The following CDH23 variants were observed in gnomAD, a reference collection of about 807,000 sequenced individuals.
CDH23 encodes cadherin related 23.
Under a neutral mutation model 317.1 loss-of-function variants are expected in CDH23, and 189 were observed. The ratio of observed to expected loss-of-function variants is 0.60; its 90% CI spans 0.53 to 0.67. The LOEUF (loss-of-function observed/expected upper bound fraction) is 0.67, where lower values mean the gene tolerates loss of function less well. Among genes scored for constraint, CDH23 ranks in the 30% least tolerant of loss-of-function variants. CDH23 has a pLI of 0.00. For missense variants in CDH23, 4,401 were observed against 4,592.4 expected (o/e 0.96, Z 1.20); for synonymous variants, 1,839 against 1,876.8 (o/e 0.98, Z 0.52).
chr10:71,716,232 G>A (rs1468396200), intron 28 of CDH23: 4 of 1,550,440 alleles, frequency 2.6e-6, no homozygotes, highest in Admixed American at 2.0e-5. Flanking sequence ...AGCATGGGGA[G>A]GGGGTCAGTT....
At chr10:71,590,488 C>A (rs56897967) in intron 9 of CDH23, among the ~76,000 whole-genome samples, 3,567 of 152,216 alleles carry the variant, frequency 0.023, 156 homozygotes, top group African/African-American at 0.082. Flanking sequence ...TGTAGGATCA[C>A]GTCATTGAAG....
At chr10:71,543,449 A>T (rs886884177) in intron 6 of CDH23, among the ~76,000 whole-genome samples, 1 of 152,230 alleles carries the variant, frequency 6.6e-6, no homozygotes, top group Non-Finnish European at 1.5e-5. Context: ...TCTGGCCCAC[A>T]GCATGTTTAT....
chr10:71,665,470 G>A lies in CDH23; in HGVS notation c.1450-9642G>A, dbSNP rs188118675. 5.3e-5 allele frequency among the ~76,000 whole-genome samples: 8 copies of A among 152,328 alleles called. No individual in the cohort carries two copies. In the East Asian group the frequency reaches 5.8e-4, roughly 11 times the overall value. On this transcript the variant is annotated intron_variant, in intron 14 of 69. Transcript: ENST00000224721. ...AGATCAGAGTGTGCCCACTGAGGTC[G>A]CAGGGAAGAGAAGGAGCAGCAACCC...
At chr10:71,797,276 G>A (rs1841429134) in intron 49 of CDH23, 56 bp downstream of exon 49, 1 of 1,254,214 alleles carries the variant, frequency 8.0e-7, no homozygotes, top group African/African-American at 1.5e-5. Flanking sequence ...CAGGGCAGGG[G>A]GCAGGTGGGG....
chr10:71,704,244 A>G (rs1475510019), intron 24 of CDH23, among the ~76,000 whole-genome samples: 1 of 152,078 alleles, frequency 6.6e-6, no homozygotes, highest in African/African-American at 2.4e-5. Flanking sequence ...ATTATTACAC[A>G]TTTCCCCAAA....
intron 38 of CDH23, among the ~76,000 whole-genome samples, chr10:71,753,419 C>T (rs1300745101): frequency 6.6e-6 from 1 of 152,242 alleles, no homozygotes; most frequent in Non-Finnish European, 1.5e-5. Flanking sequence ...AGGTTCTGGT[C>T]TTTAGCCATG....
intron 34 of CDH23, 62 bp from the exon 35 acceptor site, chr10:71,738,436 C>G: frequency 1.2e-6 from 2 of 1,607,262 alleles, no homozygotes; most frequent in Non-Finnish European, 1.7e-6. Flanking sequence ...ACGGTGGGAC[C>G]CAGGTGTTTG....
chr10:71,410,362 C>T (rs1157012446), intron 1 of CDH23, among the ~76,000 whole-genome samples: 1 of 152,092 alleles, frequency 6.6e-6, no homozygotes, highest in Non-Finnish European at 1.5e-5. Context: ...GGGGTGCAGT[C>T]CTGGAAGATT....
At chr10:71,643,324 G>A (rs752180149) in intron 11 of CDH23, among the ~76,000 whole-genome samples, 1 of 152,138 alleles carries the variant, frequency 6.6e-6, no homozygotes, top group Non-Finnish European at 1.5e-5. Flanking sequence ...AGGGAGAGGC[G>A]TGTGTTCCCC....
At chr10:71,738,739 C>T (rs546636138) in intron 35 of CDH23, 92 bp downstream of exon 35, 1 of 1,433,282 alleles carries the variant, frequency 7.0e-7, no homozygotes, top group South Asian at 1.3e-5. Context: ...CCACCCCCAT[C>T]ACCAAGCACC....
intron 49 of CDH23, among the ~76,000 whole-genome samples, 167 bp downstream of exon 49, chr10:71,797,387 G>A (rs1002634752): frequency 4.6e-5 from 7 of 152,168 alleles, no homozygotes; most frequent in Non-Finnish European, 8.8e-5. Flanking sequence ...GGCAGCCACC[G>A]TGAGGCCCAG....
At chr10:71,798,630 C>A (rs2132966247) in intron 50 of CDH23, 52 bp downstream of exon 50, 2 of 1,410,400 alleles carry the variant, frequency 1.4e-6, no homozygotes, top group Non-Finnish European at 1.9e-6. Flanking sequence ...TCTCTGCTTG[C>A]TTAGTCCCCA....
chr10:71,506,648 CTTGCT>C (rs1357944133), intron 3 of CDH23, among the ~76,000 whole-genome samples: 1 of 151,988 alleles, frequency 6.6e-6, no homozygotes, highest in African/African-American at 2.4e-5. Flanking sequence ...AGAAACAAGC[CTTGCT>C]TCCCGGAGAA....
intron 3 of CDH23, among the ~76,000 whole-genome samples, chr10:71,476,701 G>A (rs1195085562): frequency 6.6e-6 from 1 of 152,142 alleles, no homozygotes; most frequent in Non-Finnish European, 1.5e-5. Context: ...GTAGAACCTG[G>A]ATATACGAGT....
chr10:71,814,948 G>A lies in CDH23; in HGVS notation c.9739-4G>A, dbSNP rs1842080973. ...GAGCATGTGGGGGTCCCGGCCTCTTGCAGCTGATACAGACTGAGCTGGACG... is the reference window on the plus strand; with the variant it reads ...GAGCATGTGGGGGTCCCGGCCTCTTACAGCTGATACAGACTGAGCTGGACG... On this transcript the variant is annotated splice_region_variant and splice_polypyrimidine_tract_variant and intron_variant, in intron 69 of 69. Transcript: ENST00000224721. The A allele has an allele frequency of 6.2e-7, 1 of 1,604,110 alleles. No homozygotes were observed. Among genetic ancestry groups the A allele is most frequent in the South Asian group, 1.1e-5 (1 of 90,672 alleles).
intron 18 of CDH23, among the ~76,000 whole-genome samples, chr10:71,683,069 A>G (rs1864720955): frequency 6.6e-6 from 1 of 152,198 alleles, no homozygotes; most frequent in Non-Finnish European, 1.5e-5. Context: ...TTTCTCTGAC[A>G]TGAATATCAA....
chr10:71,755,088 T>A (rs913953385), intron 38 of CDH23: 1 of 605,198 alleles, frequency 1.7e-6, no homozygotes, highest in Non-Finnish European at 3.1e-6. Context: ...CTACTGCATA[T>A]GATCATTCAT....
chr10:71,524,187 A>G (rs987649924), intron 6 of CDH23, among the ~76,000 whole-genome samples: 3 of 152,156 alleles, frequency 2.0e-5, no homozygotes, highest in Non-Finnish European at 4.4e-5. Flanking sequence ...GGTGACTGTG[A>G]GCTCTGTGAA....
intron 9 of CDH23, among the ~76,000 whole-genome samples, chr10:71,604,319 G>A (rs1860405607): frequency 6.6e-6 from 1 of 152,204 alleles, no homozygotes; most frequent in Non-Finnish European, 1.5e-5. Flanking sequence ...TAAAAGCTAA[G>A]AGTGGAATAA....
Sources: allele counts gnomAD v4.1 joint callset (sites outside exome capture counted in the v4.1 genomes callset), GRCh38; gene constraint gnomAD v4.1.1; transcripts MANE v1.5; gene names NCBI Gene and HGNC (gene_info 2026-07-23, HGNC 2026-07-21).